RIMBP2: variants seen among roughly 807,000 people sequenced by gnomAD.
RIMBP2 encodes RIMS binding protein 2.
Under a neutral mutation model 118.6 loss-of-function variants are expected in RIMBP2, and 48 were observed. The observed-to-expected ratio is 0.40, with a 90% CI of 0.32 to 0.51. RIMBP2 has a LOEUF of 0.51. Among genes scored for constraint, RIMBP2 ranks in the 20% least tolerant of loss-of-function variants. The pLI, the probability that RIMBP2 is intolerant of heterozygous loss-of-function variation, is 0.41. For synonymous variants in RIMBP2, 762 were observed against 742.9 expected (o/e 1.03, Z -0.42); for missense variants, 1,551 against 1,768.3 (o/e 0.88, Z 2.20).
intron 4 of RIMBP2, among the ~76,000 whole-genome samples, chr12:130,482,150 G>T (rs2082070795): frequency 6.6e-6 from 1 of 152,202 alleles, no homozygotes; most frequent in African/African-American, 2.4e-5. Context: ...CTTTGCTCTG[G>T]TGTCAGGTTT....
At chr12:130,534,395 C>G (rs1438870297) in intron 2 of RIMBP2, among the ~76,000 whole-genome samples, 7 of 151,734 alleles carry the variant, frequency 4.6e-5, no homozygotes, top group Non-Finnish European at 1.0e-4. Flanking sequence ...GGGAGGACCA[C>G]GAGGTCAGGA....
chr12:130,649,178 G>A (rs66934049), intron 1 of RIMBP2, among the ~76,000 whole-genome samples: 6,055 of 146,058 alleles, frequency 0.041, 738 homozygotes, highest in African/African-American at 0.14. Flanking sequence ...GAGAGCAACC[G>A]GAGGGACAGA....
At chr12:130,458,838 A>G (rs1209735725) in intron 6 of RIMBP2, among the ~76,000 whole-genome samples, 1 of 152,116 alleles carries the variant, frequency 6.6e-6, no homozygotes, top group Non-Finnish European at 1.5e-5. Context: ...TGAGCTCAGG[A>G]GTTCGAGACC....
chr12:130,548,475 T>C (rs991986986), intron 2 of RIMBP2, among the ~76,000 whole-genome samples: 1 of 152,006 alleles, frequency 6.6e-6, no homozygotes, highest in African/African-American at 2.4e-5. Context: ...TTTCACGTGA[T>C]CTATCATGCC....
rs150672772 is a variant in RIMBP2, at chr12:130,471,481, T to C, written c.103-738A>G. On this transcript the variant is annotated intron_variant, in intron 5 of 22. Coordinates refer to ENST00000690449, the MANE Select transcript of RIMBP2 (RefSeq NM_001393629.1). ...AATGGCTTTGATGTTTTGAAGGTCC[T>C]TGTAGCCCTCGGCATAGTTCCTTGA... Among the ~76,000 whole-genome samples the C allele has an allele frequency of 2.0e-3, 306 of 152,348 alleles. 1 individual carries two copies. The highest frequency in any genetic ancestry group is 6.9e-3 in the African/African-American group (288 of 41,580).
intron 2 of RIMBP2, among the ~76,000 whole-genome samples, chr12:130,561,900 G>A (rs1419377765): frequency 6.6e-6 from 1 of 151,982 alleles, no homozygotes; most frequent in Non-Finnish European, 1.5e-5. Flanking sequence ...AAATTTATCT[G>A]AATTTATCTT....
intron 1 of RIMBP2, among the ~76,000 whole-genome samples, chr12:130,665,218 C>T (rs9795534): frequency 6.6e-5 from 10 of 151,302 alleles, no homozygotes; most frequent in Admixed American, 5.9e-4. Context: ...TGCCATGCTC[C>T]GAGATGGAGG....
chr12:130,526,369 T>C (rs181071216), intron 2 of RIMBP2, among the ~76,000 whole-genome samples: 11 of 152,302 alleles, frequency 7.2e-5, no homozygotes, highest in African/African-American at 2.6e-4. Context: ...GCTTTTGTGC[T>C]CGATGAAAGC....
chr12:130,588,303 G>A (rs1344599638), intron 2 of RIMBP2, among the ~76,000 whole-genome samples: 1 of 152,014 alleles, frequency 6.6e-6, no homozygotes, highest in Non-Finnish European at 1.5e-5. Context: ...ATCCACATCC[G>A]GTCTGTTTAG....
In RIMBP2 at chr12:130,617,065, T is replaced by C. The variant is rs2140743170; in HGVS notation, c.-217+11257A>G. Among the ~76,000 whole-genome samples, 1 of 152,220 alleles carries C rather than the reference T, an allele frequency of 6.6e-6. No individual in the cohort carries two copies. The highest frequency in any genetic ancestry group is 2.1e-4 in the South Asian group (1 of 4,822). On this transcript the variant is annotated intron_variant, in intron 2 of 22. Coordinates refer to ENST00000690449, the MANE Select transcript of RIMBP2 (RefSeq NM_001393629.1). This position sits in a 1 kb window ranked among gnomAD's most constrained non-coding sequence, Gnocchi z 4.6. ...AGAGGTTCCACCCCATCTCTCATTT[T>C]TCCAGGACTGCCAGCCTTACATCTC...
rs548535416 is a variant in RIMBP2, at chr12:130,623,403, C to A, written c.-217+4919G>T. 2.6e-5 allele frequency among the ~76,000 whole-genome samples: 4 copies of A among 152,256 alleles called. No homozygotes were observed. The highest frequency in any genetic ancestry group is 4.1e-4 in the South Asian group (2 of 4,824). On this transcript the variant is annotated intron_variant, in intron 2 of 22. Coordinates refer to ENST00000690449, the MANE Select transcript of RIMBP2 (RefSeq NM_001393629.1). The surrounding 1 kb of genome is among the most constrained non-coding windows in gnomAD (Gnocchi z 4.1). The stretch of plus-strand genomic sequence containing the variant: ...TTAGGTATTTGCCCTAATGCTCCCC[C>A]TCCCCTTGCCCCCACCCCCTGAAGT...
At position 130,442,230 on chromosome 12, in the gene RIMBP2, G is replaced by C; in HGVS notation, c.1122C>G (p.Leu374=). The change falls in exon 11 of 23, where the codon CTC becomes CTG. Residue 374 remains leucine (L), a synonymous_variant. Transcript: ENST00000690449. This position sits in a 1 kb window ranked among gnomAD's most constrained non-coding sequence, Gnocchi z 6.9. Reference sequence around the variant, plus strand: ...TGCGGTAGGTGCAGGCTGCCATGTTGAGCTTCTCGATGAGGGCTTTAGTTC... The same window carrying C: ...TGCGGTAGGTGCAGGCTGCCATGTTCAGCTTCTCGATGAGGGCTTTAGTTC... ...GSRTKALIEK[L]NMAACTYRIS... 1 of 1,614,070 alleles carries C rather than the reference G, an allele frequency of 6.2e-7. No individual in the cohort carries two copies. Among genetic ancestry groups the C allele is most frequent in the East Asian group, 2.2e-5 (1 of 44,874 alleles).
At chr12:130,677,021 A>C (rs2064523737) in intron 1 of RIMBP2, among the ~76,000 whole-genome samples, 1 of 152,176 alleles carries the variant, frequency 6.6e-6, no homozygotes, top group African/African-American at 2.4e-5. Context: ...TACCTCCACA[A>C]ATGTGAGTTT....
At chr12:130,470,596 C>T in intron 6 of RIMBP2, 97 bp downstream of exon 6, 1 of 630,402 alleles carries the variant, frequency 1.6e-6, no homozygotes, top group African/African-American at 1.9e-5. Context: ...GCACCAGGCG[C>T]ACTTCATAAA....
At chr12:130,498,208 G>C (rs1281643789) in intron 4 of RIMBP2, among the ~76,000 whole-genome samples, 1 of 151,958 alleles carries the variant, frequency 6.6e-6, no homozygotes, top group Admixed American at 6.6e-5. Context: ...TCTCCATGAA[G>C]GCAGCACTGA....
chr12:130,673,928 G>A (rs1169749564), intron 1 of RIMBP2, among the ~76,000 whole-genome samples: 1 of 147,354 alleles, frequency 6.8e-6, no homozygotes, highest in Admixed American at 6.9e-5. Flanking sequence ...GGCCAACACG[G>A]TGAAACCCCA....
At chr12:130,549,639 G>A (rs1431594408) in intron 2 of RIMBP2, among the ~76,000 whole-genome samples, 2 of 152,162 alleles carry the variant, frequency 1.3e-5, no homozygotes, top group East Asian at 1.9e-4. Context: ...TTAGTTCGCT[G>A]AGGATAATGG....
rs575963046 is a variant in RIMBP2 at position 130,647,288 on chromosome 12, G to A, written c.-351-18832C>T. Among the ~76,000 whole-genome samples the A allele has an allele frequency of 2.1e-3, 318 of 152,206 alleles. 1 individual carries two copies. Among genetic ancestry groups the A allele is most frequent in the Non-Finnish European group, 3.6e-3 (242 of 68,016 alleles). On this transcript the variant is annotated intron_variant, in intron 1 of 22. Coordinates refer to ENST00000690449, the MANE Select transcript of RIMBP2 (RefSeq NM_001393629.1). ...TGAGGCAGGAGACTCTCTTGAACCCGGGGGGTGGAGGTTGCAGTGAGCTGA... is the reference window on the plus strand; with the variant it reads ...TGAGGCAGGAGACTCTCTTGAACCCAGGGGGTGGAGGTTGCAGTGAGCTGA...
At chr12:130,700,300 T>G (rs1268638768) in intron 1 of RIMBP2, among the ~76,000 whole-genome samples, 1 of 152,138 alleles carries the variant, frequency 6.6e-6, no homozygotes, top group African/African-American at 2.4e-5. Context: ...TGCCTGGAGT[T>G]GAGGAATCTC....
Sources: allele counts gnomAD v4.1 joint callset (sites outside exome capture counted in the v4.1 genomes callset), GRCh38; gene constraint gnomAD v4.1.1; non-coding constraint Gnocchi (gnomAD v3.1); transcripts MANE v1.5; gene names NCBI Gene and HGNC (gene_info 2026-07-23, HGNC 2026-07-21).